The following MED6 variants were observed in gnomAD, a reference collection of about 807,000 sequenced individuals.
The protein encoded by MED6 is mediator of RNA polymerase II transcription subunit 6.
In MED6, 33 loss-of-function variants were observed where a neutral mutation model predicts 37.5. That is an observed-to-expected ratio of 0.88 (90% confidence interval 0.67 to 1.18). The LOEUF (loss-of-function observed/expected upper bound fraction) is 1.18, where lower values mean the gene tolerates loss of function less well. Among genes scored for constraint, MED6 ranks in the 50% most tolerant of loss-of-function variants. The pLI, the probability that MED6 is intolerant of heterozygous loss-of-function variation, is 0.00. For missense variants in MED6, 235 were observed against 290.6 expected (o/e 0.81, Z 1.39); for synonymous variants, 94 against 93.6 (o/e 1.00, Z -0.02).
chr14:70,597,694 T>C lies in MED6; in HGVS notation c.106A>G (p.Arg36Gly). ...SGSVLDYFSE[R>G]SNPFYDRTCN... is the part of the protein sequence containing the mutation. Reference sequence around the variant, plus strand: ...GTTCTGTCATAAAAAGGATTACTTCTTTCTGAAAAGTAATCCAGGACACTA... The same window carrying C: ...GTTCTGTCATAAAAAGGATTACTTCCTTCTGAAAAGTAATCCAGGACACTA... The change falls in exon 2 of 8, where the codon AGA (arginine) becomes GGA (glycine). Residue 36 changes from arginine to glycine, a missense_variant. By Grantham distance (125) the Arg-to-Gly change is moderately radical. Transcript: ENST00000256379. 1 of 1,564,884 alleles carries C rather than the reference T, an allele frequency of 6.4e-7. No individual in the cohort carries two copies. The highest frequency in any genetic ancestry group is 2.4e-5 in the East Asian group (1 of 40,946).
chr14:70,600,117 T>A (rs1885161899), intron 1 of MED6, among the ~76,000 whole-genome samples: 1 of 151,972 alleles, frequency 6.6e-6, no homozygotes, highest in Admixed American at 6.6e-5. Context: ...CTGCCCATAA[T>A]AATTGCTGGA....
intron 3 of MED6, chr14:70,596,403 C>G: frequency 2.2e-6 from 1 of 457,798 alleles, no homozygotes; most frequent in Non-Finnish European, 3.9e-6. Flanking sequence ...AATCTGGCTG[C>G]GTACCCTTAC....
At position 70,592,933 on chromosome 14, in the gene MED6, C is replaced by T. The variant is rs770531881; in HGVS notation, c.413G>A (p.Arg138Gln). 5 of 1,613,804 alleles carry T rather than the reference C, an allele frequency of 3.1e-6. No individual in the cohort carries two copies. Among genetic ancestry groups the T allele is most frequent in the East Asian group, 2.2e-5 (1 of 44,854 alleles). The change falls in exon 5 of 8, where the codon CGA becomes CAA. Residue 138 changes from arginine to glutamine, a missense_variant. Transcript: ENST00000256379. ...CCAATACCCTTTGGAAGGATGATAT[C>T]GACAGTATGACATAGCTTCATCAAA... ...SAFDEAMSYCRYHPSKGYWWH... is the reference protein window; with the variant it reads ...SAFDEAMSYCQYHPSKGYWWH...
chr14:70,596,140 T>C (rs1018699063), intron 3 of MED6: 2 of 186,880 alleles, frequency 1.1e-5, no homozygotes, highest in Non-Finnish European at 2.2e-5. Flanking sequence ...AATGTGATTA[T>C]AGTAGACACC....
intron 6 of MED6, among the ~76,000 whole-genome samples, chr14:70,588,416 T>C (rs1272300595): frequency 3.9e-5 from 6 of 152,086 alleles, no homozygotes; most frequent in Admixed American, 6.6e-5. Context: ...CCGGGCGCGG[T>C]GGCTCATGCC....
chr14:70,585,234 C>G (rs1884669213), intron 7 of MED6, among the ~76,000 whole-genome samples: 1 of 152,138 alleles, frequency 6.6e-6, no homozygotes, highest in South Asian at 2.1e-4. Context: ...GGTTCAATAC[C>G]TGTTTTCAAT....
chr14:70,584,733 A>T lies in MED6; in HGVS notation c.*80T>A. The T allele has an allele frequency of 6.7e-7, 1 of 1,494,250 alleles. No individual in the cohort carries two copies. The highest frequency in any genetic ancestry group is 2.3e-5 in the East Asian group (1 of 43,384). The allele number at this position is 1,494,250 out of a possible 1,614,324, so 92.6% of individuals were successfully genotyped here. ...ACAAATAAGAAGGTTACAATAAAGT[A>T]CTTCAAAGCTCAAGAGCCACAGTAC... On this transcript the variant is annotated 3_prime_UTR_variant, in exon 8 of 8. Transcript: ENST00000256379.
rs201036704 is a variant in MED6, at chr14:70,592,478, CTTTTTTTTTTTTTTTT to C, written c.466+386_466+401del. ...CCACACCACTGTCTCTCCTATGTTC[CTTTTTTTTTTTTTTTT>C]TTTTTTTTTTTTTTGTAGAGACCAG... On this transcript the variant is annotated intron_variant, in intron 5 of 7. Transcript: ENST00000256379. 40 of 88,870 alleles carry C rather than the reference CTTTTTTTTTTTTTTTT, an allele frequency of 4.5e-4. 1 individual carries two copies. In the East Asian group the frequency reaches 0.012, roughly 26 times the overall value. The allele number at this position is 88,870 out of a possible 1,614,324, so 5.5% of individuals were successfully genotyped here.
Position 70,584,464 on chromosome 14 carries a change from C to A in MED6, c.*349G>T. On this transcript the variant is annotated 3_prime_UTR_variant, in exon 8 of 8. Coordinates refer to ENST00000256379, the MANE Select transcript of MED6 (RefSeq NM_005466.4). ...ATAATCAGCTCAGGGCAACCTCCAC[C>A]TCCCGGGTTCAAGCAAGTCTCCTGT... 1 of 313,340 alleles carries A rather than the reference C, an allele frequency of 3.2e-6. No individual in the cohort carries two copies. The highest frequency in any genetic ancestry group is 5.8e-6 in the Non-Finnish European group (1 of 171,234). The allele number at this position is 313,340 out of a possible 1,614,324, so 19.4% of individuals were successfully genotyped here. A position where few individuals can be genotyped will look rare whatever the true frequency, so the allele number is the denominator to read the frequency against.
At chr14:70,594,607 A>G in intron 3 of MED6, 1 of 419,406 alleles carries the variant, frequency 2.4e-6, no homozygotes, top group Non-Finnish European at 4.6e-6. Context: ...GGCTCCATCC[A>G]GGCGCCCAGC....
chr14:70,591,829 T>A (rs903035995), intron 5 of MED6: 2 of 152,172 alleles, frequency 1.3e-5, no homozygotes, highest in Admixed American at 6.6e-5. Context: ...TTATTAAGAC[T>A]GTAATTCACT....
chr14:70,592,681 A>T (rs982793985), intron 5 of MED6, 199 bp downstream of exon 5: 2 of 452,516 alleles, frequency 4.4e-6, no homozygotes, highest in African/African-American at 4.0e-5. Context: ...GTTAACTAAC[A>T]GAGTGAACTT....
chr14:70,586,168 G>A (rs1216035897), intron 6 of MED6, among the ~76,000 whole-genome samples: 3 of 152,134 alleles, frequency 2.0e-5, no homozygotes, highest in Non-Finnish European at 2.9e-5. Context: ...ATTTCCTTAG[G>A]GGTTATGACT....
intron 1 of MED6, among the ~76,000 whole-genome samples, chr14:70,598,883 G>A (rs1872232709): frequency 1.3e-5 from 2 of 152,184 alleles, no homozygotes; most frequent in Admixed American, 6.5e-5. Context: ...TAGATGAGAT[G>A]ATAATGATGT....
chr14:70,585,160 T>C lies in MED6; in HGVS notation c.611-217A>G, dbSNP rs979116384. ...ATTAATGATACTAGACAAAACTACA[T>C]AGCATTTAAGTAAGACAGTATGTAA... On this transcript the variant is annotated intron_variant, in intron 7 of 7. Transcript: ENST00000256379. Among the ~76,000 whole-genome samples, 28 of 152,294 alleles carry C rather than the reference T, an allele frequency of 1.8e-4. 1 individual carries two copies. The highest frequency in any genetic ancestry group is 6.7e-4 in the African/African-American group (28 of 41,554).
At chr14:70,592,655 T>G in intron 5 of MED6, 1 of 386,682 alleles carries the variant, frequency 2.6e-6, no homozygotes, top group Non-Finnish European at 4.8e-6. Flanking sequence ...TTGAATCACC[T>G]TAACAAAGAC....
At chr14:70,592,742 C>T (rs1884918200) in intron 5 of MED6, 138 bp downstream of exon 5, 1 of 864,182 alleles carries the variant, frequency 1.2e-6, no homozygotes, top group East Asian at 2.8e-5. Context: ...TTACATGAAT[C>T]TCAGCTGCAA....
intron 3 of MED6, chr14:70,595,239 T>C (rs7158848): frequency 0.19 from 100,920 of 542,750 alleles, 13,014 homozygotes; most frequent in East Asian, 0.55. Context: ...AGCTCTGGGT[T>C]GACGATGAAG....
At position 70,583,889 on chromosome 14, in the gene MED6, A is replaced by G; in HGVS notation, c.*924T>C. 2.5e-6 allele frequency: 1 copy of G among 396,350 alleles called. No individual in the cohort carries two copies. The highest frequency in any genetic ancestry group is 4.3e-5 in the Admixed American group (1 of 23,308). The allele number at this position is 396,350 out of a possible 1,614,324, so 24.6% of individuals were successfully genotyped here. A position where few individuals can be genotyped will look rare whatever the true frequency, so the allele number is the denominator to read the frequency against. The stretch of plus-strand genomic sequence containing the variant: ...CTAGGGACTTTGCAGACTTCCTACC[A>G]GCAAGAAGGCCCTCACCAGATGGAG... On this transcript the variant is annotated 3_prime_UTR_variant, in exon 8 of 8. Transcript: ENST00000256379.
Sources: allele counts gnomAD v4.1 joint callset (sites outside exome capture counted in the v4.1 genomes callset), GRCh38; gene constraint gnomAD v4.1.1; transcripts MANE v1.5; gene names NCBI Gene and HGNC (gene_info 2026-07-23, HGNC 2026-07-21).